The following CDH13 variants were observed in gnomAD, a reference collection of about 807,000 sequenced individuals.
CDH13 encodes cadherin 13, also known as cadherin-13.
In CDH13, 24 loss-of-function variants were observed where a neutral mutation model predicts 63.8. The ratio of observed to expected loss-of-function variants is 0.38; its 90% CI spans 0.27 to 0.53. The LOEUF is 0.53. Ranked by LOEUF, CDH13 falls within the 20% of genes least tolerant of loss-of-function variation. CDH13 has a pLI of 0.85. For missense variants in CDH13, 1,049 were observed against 903.1 expected, an observed-to-expected ratio of 1.16 and a Z score of -2.07; for synonymous variants, 503 against 355.3, an observed-to-expected ratio of 1.42 and a Z score of -4.67.
At chr16:82,758,136 G>A (rs929908777) in intron 1 of CDH13, among the ~76,000 whole-genome samples, 2 of 151,998 alleles carry the variant, frequency 1.3e-5, no homozygotes, top group African/African-American at 4.8e-5. Context: ...ATTTTCCTTG[G>A]ACCAATTGGG....
intron 1 of CDH13, among the ~76,000 whole-genome samples, chr16:82,802,021 G>T (rs116959216): frequency 3.3e-5 from 5 of 152,194 alleles, no homozygotes; most frequent in Non-Finnish European, 7.3e-5. Flanking sequence ...GTGGGGCTCA[G>T]TTCCGTTGAG....
At chr16:83,678,154 C>T in intron 9 of CDH13, 54 bp from the exon 10 acceptor site, 1 of 1,562,424 alleles carries the variant, frequency 6.4e-7, no homozygotes, top group African/African-American at 1.3e-5. Context: ...TGATGCAAAC[C>T]ACCTGCCTTT....
chr16:82,840,529 G>T (rs532367472), intron 1 of CDH13, among the ~76,000 whole-genome samples: 1 of 151,468 alleles, frequency 6.6e-6, no homozygotes. Flanking sequence ...CTAAAAACAC[G>T]AAAGAAACAG....
chr16:82,733,595 T>G (rs1004399884), intron 1 of CDH13, among the ~76,000 whole-genome samples: 1 of 152,182 alleles, frequency 6.6e-6, no homozygotes. Flanking sequence ...CATTCCATCT[T>G]CATCTTACAA....
rs142255861 is a variant in CDH13, at chr16:83,570,136, C to A, written c.961-32318C>A. Among the ~76,000 whole-genome samples the A allele has an allele frequency of 9.2e-5, 14 of 152,280 alleles. No individual in the cohort carries two copies. The East Asian group carries it at 2.7e-3, about 29-fold the overall frequency. ...TTTTCTTACAAAACAGGAAGAAGCT[C>A]TATTGTTGGCCAGAAAGCAAAGCAA... On this transcript the variant is annotated intron_variant, in intron 7 of 13. Coordinates refer to ENST00000567109, the MANE Select transcript of CDH13 (RefSeq NM_001257.5).
At chr16:83,652,532 G>A (rs1264709958) in intron 8 of CDH13, among the ~76,000 whole-genome samples, 1 of 152,140 alleles carries the variant, frequency 6.6e-6, no homozygotes. Flanking sequence ...GGTCCTCGTG[G>A]TTTAGCCAAA....
At chr16:83,759,937 A>C (rs1355975074) in intron 11 of CDH13, among the ~76,000 whole-genome samples, 2 of 456 alleles carry the variant, frequency 4.4e-3, no homozygotes, top group Non-Finnish European at 8.1e-3. Context: ...CAAAACCAAT[A>C]AAAAAAAAAA....
intron 4 of CDH13, among the ~76,000 whole-genome samples, chr16:83,126,039 C>T (rs1433090960): frequency 6.6e-6 from 1 of 152,146 alleles, no homozygotes; most frequent in African/African-American, 2.4e-5. Context: ...TTAAATGTGC[C>T]AAAATACGGA....
intron 6 of CDH13, among the ~76,000 whole-genome samples, chr16:83,463,062 G>T (rs8048443): frequency 0.42 from 64,044 of 151,484 alleles, 13,687 homozygotes; most frequent in Middle Eastern, 0.51. Context: ...TGGAAGAGGA[G>T]GAAAATATAA....
At chr16:82,832,001 C>T (rs796972913) in intron 1 of CDH13, among the ~76,000 whole-genome samples, 68 of 152,292 alleles carry the variant, frequency 4.5e-4, no homozygotes, top group African/African-American at 1.6e-3. Flanking sequence ...CGCTTGGAAG[C>T]CAAAGCAAAG....
chr16:83,188,809 C>T lies in CDH13; in HGVS notation c.484-28536C>T, dbSNP rs377283949. Among the ~76,000 whole-genome samples, 54 of 152,314 alleles carry T rather than the reference C, an allele frequency of 3.5e-4. No homozygotes were observed. In the South Asian group the frequency reaches 0.011, roughly 31 times the overall value. On this transcript the variant is annotated intron_variant, in intron 4 of 13. Transcript: ENST00000567109. The stretch of plus-strand genomic sequence containing the variant: ...CATAAAATTTTATAAGCAATTATTA[C>T]GGTTTACTGTACCTTCTTCAGCTGC...
chr16:82,651,413 A>G lies in CDH13; in HGVS notation c.45+24276A>G, dbSNP rs16958005. ...CTGGGAAAGACATTTTGCAGTTAAG[A>G]AAAGTGAATCTCAGGGACTTGTCTT... On this transcript the variant is annotated intron_variant, in intron 1 of 13. Coordinates refer to ENST00000567109, the MANE Select transcript of CDH13 (RefSeq NM_001257.5). Among the ~76,000 whole-genome samples, 1,753 of 152,318 alleles carry G rather than the reference A, an allele frequency of 0.012. 47 individuals carry two copies. The East Asian group carries it at 0.12, about 10-fold the overall frequency.
At chr16:82,836,411 A>G (rs1204550138) in intron 1 of CDH13, among the ~76,000 whole-genome samples, 3 of 152,140 alleles carry the variant, frequency 2.0e-5, no homozygotes, top group African/African-American at 4.8e-5. Context: ...TGGCCTCCCA[A>G]AGTGCTAGGA....
intron 7 of CDH13, among the ~76,000 whole-genome samples, chr16:83,540,281 C>T (rs972500138): frequency 1.3e-5 from 2 of 152,098 alleles, no homozygotes; most frequent in African/African-American, 2.4e-5. Flanking sequence ...AACTGGTCTT[C>T]ATAAATGCAG....
At chr16:82,635,578 G>A (rs552568695) in intron 1 of CDH13, among the ~76,000 whole-genome samples, 45 of 152,330 alleles carry the variant, frequency 3.0e-4, no homozygotes, top group African/African-American at 1.1e-3. Flanking sequence ...GATGTGATCA[G>A]ATTTGCATTC....
intron 10 of CDH13, among the ~76,000 whole-genome samples, chr16:83,739,459 C>G (rs1035067336): frequency 4.0e-4 from 61 of 152,234 alleles, no homozygotes; most frequent in African/African-American, 1.4e-3. Context: ...GCGTATTTTC[C>G]CTGTGATAAG....
chr16:83,752,891 C>G (rs947161819), intron 11 of CDH13, among the ~76,000 whole-genome samples: 1 of 152,176 alleles, frequency 6.6e-6, no homozygotes, highest in African/African-American at 2.4e-5. Flanking sequence ...AGAATAGAGC[C>G]AGGAATGATC....
At chr16:83,179,538 G>T (rs1443332410) in intron 4 of CDH13, among the ~76,000 whole-genome samples, 1 of 150,208 alleles carries the variant, frequency 6.7e-6, no homozygotes, top group East Asian at 1.9e-4. Flanking sequence ...TGTAGTCCCA[G>T]CTACTCGGGA....
chr16:82,822,533 G>T (rs138501618), intron 1 of CDH13, among the ~76,000 whole-genome samples: 2 of 152,144 alleles, frequency 1.3e-5, no homozygotes, highest in African/African-American at 4.8e-5. Context: ...GTCTCATTCT[G>T]TCACTCAGGC....
Sources: gnomAD v4.1 joint callset for allele counts (sites outside exome capture counted in the v4.1 genomes callset) on GRCh38, gnomAD v4.1.1 for gene constraint, MANE v1.5 for transcripts, NCBI Gene and HGNC (gene_info 2026-07-23, HGNC 2026-07-21) for gene names.